Variants in SNX9 observed in about 807,000 individuals in gnomAD.
SNX9 encodes sorting nexin-9.
SNX9 carries 44 observed loss-of-function variants against 89.4 expected under a neutral mutation model. The ratio of observed to expected loss-of-function variants is 0.49; its 90% CI spans 0.39 to 0.63. The LOEUF (loss-of-function observed/expected upper bound fraction) is 0.63, where lower values mean the gene tolerates loss of function less well. SNX9 is among the 30% of genes least tolerant of loss of function. The pLI, the probability that SNX9 is intolerant of heterozygous loss-of-function variation, is 0.00. For missense variants in SNX9, 578 were observed against 736.1 expected (o/e 0.79, Z 2.49); for synonymous variants, 236 against 247.8 (o/e 0.95, Z 0.45).
At chr6:157,902,722 C>T (rs1407484800) in intron 6 of SNX9, among the ~76,000 whole-genome samples, 1 of 152,142 alleles carries the variant, frequency 6.6e-6, no homozygotes, top group African/African-American at 2.4e-5. Context: ...GGCTGAAGTG[C>T]AGTGGTGCGA....
chr6:157,940,157 A>G (rs1201581925), intron 16 of SNX9, among the ~76,000 whole-genome samples: 1 of 152,198 alleles, frequency 6.6e-6, no homozygotes, highest in East Asian at 1.9e-4. Flanking sequence ...CTTTCACCAG[A>G]AACCTGCTGA....
intron 5 of SNX9, 93 bp downstream of exon 5, chr6:157,897,091 A>C: frequency 8.1e-7 from 1 of 1,235,192 alleles, no homozygotes; most frequent in Non-Finnish European, 1.1e-6. Flanking sequence ...TCCCACACTC[A>C]GCACAACACA....
intron 1 of SNX9, among the ~76,000 whole-genome samples, chr6:157,847,873 C>G (rs968576900): frequency 3.3e-5 from 5 of 152,154 alleles, no homozygotes; most frequent in Non-Finnish European, 7.4e-5. Flanking sequence ...TTTTATAACT[C>G]TCTTGGTAAA....
At position 157,867,528 on chromosome 6, in the gene SNX9, T is replaced by G. The variant is rs201048637; in HGVS notation, c.13-19T>G. 5.6e-6 allele frequency: 9 copies of G among 1,599,628 alleles called. No homozygotes were observed. In the East Asian group the frequency reaches 2.0e-4, roughly 36 times the overall value. ...TGTTTGTGTTTGTAACATCCTCTTT[T>G]CCTCTCCACTCCTGATAGGCTCGGG... On this transcript the variant is annotated intron_variant, in intron 1 of 17. Coordinates refer to ENST00000392185, the MANE Select transcript of SNX9 (RefSeq NM_016224.5).
chr6:157,921,747 A>C (rs1194209143), intron 10 of SNX9, 86 bp downstream of exon 10: 8 of 1,435,004 alleles, frequency 5.6e-6, no homozygotes, highest in Non-Finnish European at 7.6e-6. Context: ...AGTTAAAATT[A>C]TGTTGGTTAG....
chr6:157,937,168 G>A (rs1783942956), intron 14 of SNX9, among the ~76,000 whole-genome samples: 4 of 152,094 alleles, frequency 2.6e-5, no homozygotes, highest in Admixed American at 2.0e-4. Flanking sequence ...CTTCATGGTG[G>A]TATTATTTTG....
At chr6:157,889,487 CTAGTT>C (rs917089550) in intron 4 of SNX9, among the ~76,000 whole-genome samples, 8 of 149,072 alleles carry the variant, frequency 5.4e-5, no homozygotes, top group Admixed American at 4.7e-4. Flanking sequence ...TCATTGTAGT[CTAGTT>C]TGTTACAGTA....
At chr6:157,914,463 CTTTTTCTTTTTT>C (rs1386721694) in intron 9 of SNX9, among the ~76,000 whole-genome samples, 2 of 96,632 alleles carry the variant, frequency 2.1e-5, no homozygotes, top group African/African-American at 4.4e-5. Flanking sequence ...TTGTCATTTT[CTTTTTCTTTTTT>C]TTTTTTTTTT....
intron 13 of SNX9, among the ~76,000 whole-genome samples, chr6:157,934,797 T>C (rs1783890485): frequency 6.6e-6 from 1 of 152,176 alleles, no homozygotes. Flanking sequence ...GATTTCCTTC[T>C]TAAAAAAAAA....
chr6:157,891,623 G>A (rs1388329394), intron 4 of SNX9, among the ~76,000 whole-genome samples: 2 of 152,126 alleles, frequency 1.3e-5, no homozygotes, highest in Non-Finnish European at 2.9e-5. Flanking sequence ...AGAATCTTTT[G>A]GGGGAAACAT....
chr6:157,902,094 A>G, intron 6 of SNX9, 49 bp downstream of exon 6: 1 of 1,580,740 alleles, frequency 6.3e-7, no homozygotes, highest in South Asian at 1.2e-5. Flanking sequence ...AGAAGTATAC[A>G]TTAATACAAA....
chr6:157,936,132 A>T, intron 14 of SNX9, 92 bp downstream of exon 14: 1 of 863,020 alleles, frequency 1.2e-6, no homozygotes, highest in Non-Finnish European at 1.8e-6. Context: ...AACGTCCCAA[A>T]TAAGTACCCT....
intron 2 of SNX9, 78 bp from the exon 3 acceptor site, chr6:157,873,024 A>G: frequency 8.4e-7 from 1 of 1,184,186 alleles, no homozygotes; most frequent in Non-Finnish European, 1.2e-6. Flanking sequence ...ATGTATAACA[A>G]TTCCTCCACA....
At chr6:157,935,507 C>T (rs1456667344) in intron 13 of SNX9, among the ~76,000 whole-genome samples, 2 of 152,058 alleles carry the variant, frequency 1.3e-5, no homozygotes, top group African/African-American at 4.8e-5. Context: ...ATTCAACACC[C>T]CACGAAAAGA....
intron 5 of SNX9, among the ~76,000 whole-genome samples, chr6:157,899,658 C>T (rs965562043): frequency 1.3e-5 from 2 of 152,056 alleles, no homozygotes; most frequent in Non-Finnish European, 2.9e-5. Context: ...CCTGTAGTCC[C>T]AGCTACTCGG....
chr6:157,935,744 G>A (rs1189419559), intron 13 of SNX9, among the ~76,000 whole-genome samples: 3 of 152,162 alleles, frequency 2.0e-5, no homozygotes, highest in East Asian at 1.9e-4. Flanking sequence ...GCTGATGTCC[G>A]GTGAAAGCGG....
chr6:157,876,429 C>T (rs148478099), intron 4 of SNX9, among the ~76,000 whole-genome samples: 18 of 152,236 alleles, frequency 1.2e-4, no homozygotes, highest in African/African-American at 3.1e-4. Context: ...CCAGCCTGGG[C>T]GAGTGAGACT....
chr6:157,848,065 T>G (rs908176052), intron 1 of SNX9, among the ~76,000 whole-genome samples: 1 of 152,192 alleles, frequency 6.6e-6, no homozygotes, highest in African/African-American at 2.4e-5. Context: ...GATTAACTTC[T>G]GTAATTGCAC....
chr6:157,930,017 A>G (rs914036667), intron 12 of SNX9, among the ~76,000 whole-genome samples: 2 of 152,098 alleles, frequency 1.3e-5, no homozygotes, highest in Non-Finnish European at 2.9e-5. Flanking sequence ...TTGTGTCATA[A>G]TGGTAGAGTT....
Sources: allele counts gnomAD v4.1 joint callset (sites outside exome capture counted in the v4.1 genomes callset), GRCh38; gene constraint gnomAD v4.1.1; transcripts MANE v1.5; gene names NCBI Gene and HGNC (gene_info 2026-07-23, HGNC 2026-07-21).